KDM3A: variants seen among roughly 807,000 people sequenced by gnomAD.
KDM3A encodes the protein lysine-specific demethylase 3A.
In KDM3A, 60 loss-of-function variants were observed where a neutral mutation model predicts 158.0. The observed-to-expected ratio is 0.38, with a 90% CI of 0.31 to 0.47. The LOEUF (loss-of-function observed/expected upper bound fraction) is 0.47, where lower values mean the gene tolerates loss of function less well. Among genes scored for constraint, KDM3A ranks in the 20% least tolerant of loss-of-function variants. The pLI is 0.99. For synonymous variants in KDM3A, 608 were observed against 549.3 expected (o/e 1.11, Z -1.49); for missense variants, 1,319 against 1,574.3 (o/e 0.84, Z 2.74).
intron 3 of KDM3A, 149 bp downstream of exon 3, chr2:86,450,111 C>A: frequency 1.3e-6 from 1 of 789,672 alleles, no homozygotes; most frequent in Non-Finnish European, 2.0e-6. Context: ...CACTTCTGAG[C>A]GAGTCCCTTG....
intron 19 of KDM3A, 197 bp from the exon 20 acceptor site, chr2:86,484,744 AG>A: frequency 2.0e-6 from 1 of 504,904 alleles, no homozygotes; most frequent in East Asian, 3.1e-5. Flanking sequence ...TTTACACTGC[AG>A]AAATAAAATG....
chr2:86,467,582 A>G (rs1276622641), intron 10 of KDM3A, among the ~76,000 whole-genome samples: 4 of 152,230 alleles, frequency 2.6e-5, no homozygotes, highest in African/African-American at 9.6e-5. Flanking sequence ...TTGAGGATGC[A>G]TTATAATGGT....
chr2:86,466,628 GCTT>G lies in KDM3A; in HGVS notation c.1270_1272del (p.Ser424del), dbSNP rs761125630. ...TCCTAAGGAGTGCTTACCTACAAAG[GCTT>G]CTTCTAAGGCAGAATTGGAAATTGC... is the stretch of plus-strand genomic sequence containing the variant. On this transcript the variant is annotated inframe_deletion, in exon 10 of 26. Transcript: ENST00000312912. 3 of 1,613,832 alleles carry G rather than the reference GCTT, an allele frequency of 1.9e-6. No homozygotes were observed. The highest frequency in any genetic ancestry group is 1.7e-5 in the Admixed American group (1 of 59,956).
intron 8 of KDM3A, among the ~76,000 whole-genome samples, chr2:86,458,928 ACAT>A (rs1457931302): frequency 2.6e-5 from 4 of 152,136 alleles, no homozygotes; most frequent in Non-Finnish European, 1.5e-5. Flanking sequence ...GTTGTATTGC[ACAT>A]CATAAATAGG....
intron 8 of KDM3A, among the ~76,000 whole-genome samples, chr2:86,463,748 G>A (rs576086489): frequency 6.6e-6 from 1 of 152,202 alleles, no homozygotes; most frequent in Non-Finnish European, 1.5e-5. Flanking sequence ...TCACCTCTGC[G>A]TTGCATTAGT....
chr2:86,450,046 GC>G, intron 3 of KDM3A, 84 bp downstream of exon 3: 1 of 1,396,676 alleles, frequency 7.2e-7, no homozygotes, highest in Non-Finnish European at 9.6e-7. Context: ...TAAATGTAAT[GC>G]CAGAAAGTCA....
At chr2:86,479,500 A>C (rs1263374247) in intron 15 of KDM3A, 1 of 152,332 alleles carries the variant, frequency 6.6e-6, no homozygotes, top group South Asian at 2.1e-4. Flanking sequence ...AGTAATATAG[A>C]AATAAGAAGC....
At position 86,490,969 on chromosome 2, in the gene KDM3A, G is replaced by A. The variant is rs751368543; in HGVS notation, c.3662G>A (p.Arg1221His). The A allele has an allele frequency of 4.3e-6, 7 of 1,613,798 alleles. No individual in the cohort carries two copies. The highest frequency in any genetic ancestry group is 4.0e-5 in the African/African-American group (3 of 74,910). Residue 1221 changes from arginine to histidine, a missense_variant, in exon 24 of 26, where the codon CGT becomes CAT. Around this residue, in one of 4 missense-constraint regions of KDM3A, gnomAD observed 186 missense variants for 340.9 expected, o/e 0.55. Coordinates refer to ENST00000312912, the MANE Select transcript of KDM3A (RefSeq NM_018433.6). ...TATTTAGACCGATCATTAAGAAAAC[G>A]TCTTCATCAAGAGTATGGAGTTCAA... ...SWYLDRSLRK[R>H]LHQEYGVQGW...
chr2:86,480,220 C>T lies in KDM3A; in HGVS notation c.2370C>T (p.Pro790=), dbSNP rs200548258. The T allele has an allele frequency of 3.7e-5, 59 of 1,613,532 alleles. No homozygotes were observed. In the Middle Eastern group the frequency reaches 1.8e-3, roughly 48 times the overall value. ...PTLGAVLQQN[P]SVLEPAAVGG... ...TTGGTGCAGTGCTCCAGCAGAATCC[C>T]TCAGTGTTGGAGCCAGCAGCTGTGG... Residue 790 remains proline (P), a synonymous_variant, in exon 16 of 26, where the codon CCC becomes CCT. Transcript: ENST00000312912.
intron 21 of KDM3A, among the ~76,000 whole-genome samples, chr2:86,486,068 TTG>T (rs1674166202): frequency 6.6e-6 from 1 of 152,192 alleles, no homozygotes; most frequent in Admixed American, 6.5e-5. Context: ...ATATGCAATT[TTG>T]TGTTTTTCCC....
rs1328820300 is a variant in KDM3A, at chr2:86,484,232, C to G, written c.3094+74C>G. 5 of 1,303,616 alleles carry G rather than the reference C, an allele frequency of 3.8e-6. No homozygotes were observed. In the East Asian group the frequency reaches 1.2e-4, roughly 31 times the overall value. The allele number at this position is 1,303,616 out of a possible 1,614,324, so 80.8% of individuals were successfully genotyped here. Reference sequence around the variant, plus strand: ...ACACAGGAATGGCAGGAGTCTGAGACCCATCAGTGGCAGCCGCAGCATTTT... The same window carrying G: ...ACACAGGAATGGCAGGAGTCTGAGAGCCATCAGTGGCAGCCGCAGCATTTT... On this transcript the variant is annotated intron_variant, in intron 19 of 25. Coordinates refer to ENST00000312912, the MANE Select transcript of KDM3A (RefSeq NM_018433.6).
At chr2:86,468,085 A>G (rs1324336797) in intron 10 of KDM3A, among the ~76,000 whole-genome samples, 3 of 152,156 alleles carry the variant, frequency 2.0e-5, no homozygotes, top group Non-Finnish European at 2.9e-5. Flanking sequence ...ATCAGTAAAA[A>G]TGAATATATC....
chr2:86,454,875 C>T (rs113942794), intron 4 of KDM3A, among the ~76,000 whole-genome samples: 36 of 152,280 alleles, frequency 2.4e-4, no homozygotes, highest in African/African-American at 8.4e-4. Context: ...GATGACTTTA[C>T]TTCAGTCTGC....
intron 15 of KDM3A, chr2:86,479,896 G>C (rs761140137): frequency 1.4e-5 from 6 of 443,168 alleles, no homozygotes; most frequent in African/African-American, 6.0e-5. Context: ...ATGGTACATA[G>C]AGTAATAGGG....
At chr2:86,452,724 G>C (rs1672522146) in intron 4 of KDM3A, among the ~76,000 whole-genome samples, 1 of 152,194 alleles carries the variant, frequency 6.6e-6, no homozygotes, top group African/African-American at 2.4e-5. Flanking sequence ...TGGGGTCAGT[G>C]GTTATCAGGT....
At chr2:86,478,904 CG>C in intron 15 of KDM3A, 169 bp downstream of exon 15, 3 of 606,472 alleles carry the variant, frequency 4.9e-6, no homozygotes, top group Non-Finnish European at 8.3e-6. Flanking sequence ...TTCAGAGACC[CG>C]TTCTGACTTT....
intron 11 of KDM3A, among the ~76,000 whole-genome samples, chr2:86,472,968 CTCTT>C (rs140413259): frequency 3.3e-5 from 5 of 152,302 alleles, no homozygotes; most frequent in African/African-American, 9.6e-5. Flanking sequence ...CTCAATTACT[CTCTT>C]TATTATGAAG....
chr2:86,457,469 T>C lies in KDM3A; in HGVS notation c.843+398T>C, dbSNP rs139930063. On this transcript the variant is annotated intron_variant, in intron 8 of 25. Transcript: ENST00000312912. ...GCAAATTTTTTTAGTGTTATATTGC[T>C]GTCTGCTCTTCTTTGCTAGTTCCAG... Among the ~76,000 whole-genome samples the C allele has an allele frequency of 4.0e-3, 615 of 152,350 alleles. 1 individual carries two copies. The highest frequency in any genetic ancestry group is 6.4e-3 in the Non-Finnish European group (435 of 68,030).
chr2:86,466,336 G>A (rs772131921), intron 9 of KDM3A, 36 bp from the exon 10 acceptor site: 1 of 1,564,254 alleles, frequency 6.4e-7, no homozygotes, highest in Admixed American at 1.9e-5. Context: ...GATAAAAAGA[G>A]GCCTGGATGC....
Sources: allele counts gnomAD v4.1 joint callset (sites outside exome capture counted in the v4.1 genomes callset), GRCh38; gene constraint gnomAD v4.1.1; regional missense constraint gnomAD v4.1.1; transcripts MANE v1.5; gene names NCBI Gene and HGNC (gene_info 2026-07-23, HGNC 2026-07-21).